The following DIP2C variants were observed in gnomAD, a reference collection of about 807,000 sequenced individuals.
DIP2C encodes the protein disco-interacting protein 2 homolog C.
DIP2C carries 33 observed loss-of-function variants against 192.4 expected under a neutral mutation model. The observed-to-expected ratio is 0.17, with a 90% CI of 0.13 to 0.23. The LOEUF is 0.23. DIP2C is among the 10% of genes least tolerant of loss of function. The probability of loss-of-function intolerance (pLI) is 1.00; values close to 1 mark genes in which losing one functional copy is unlikely to be tolerated. For synonymous variants in DIP2C, 979 were observed against 864.1 expected, an observed-to-expected ratio of 1.13 and a Z score of -2.33; for missense variants, 1,537 against 2,110.1, an observed-to-expected ratio of 0.73 and a Z score of 5.32.
At chr10:408,412 G>C (rs1342623048) in intron 9 of DIP2C, among the ~76,000 whole-genome samples, 3 of 152,172 alleles carry the variant, frequency 2.0e-5, no homozygotes, top group Admixed American at 2.0e-4. Flanking sequence ...GGCCAAACGT[G>C]TTCAATAAAA....
chr10:446,427 C>G (rs1349005123), intron 3 of DIP2C, among the ~76,000 whole-genome samples: 1 of 151,898 alleles, frequency 6.6e-6, no homozygotes, highest in African/African-American at 2.4e-5. Flanking sequence ...CTGTATACAT[C>G]TGTTGTGAAG....
intron 1 of DIP2C, among the ~76,000 whole-genome samples, chr10:492,061 C>CCTGA (rs1844486796): frequency 6.6e-6 from 1 of 152,250 alleles, no homozygotes; most frequent in Admixed American, 6.5e-5. Context: ...ATCTCAAAAT[C>CCTGA]CTGACCCCTG....
chr10:346,654 A>G (rs1440920546), intron 26 of DIP2C, among the ~76,000 whole-genome samples: 1 of 125,062 alleles, frequency 8.0e-6, no homozygotes, highest in African/African-American at 3.2e-5. Context: ...ACCCAGACAT[A>G]TCGCGTATAG....
chr10:505,637 C>G (rs533200576), intron 1 of DIP2C, among the ~76,000 whole-genome samples: 1 of 151,816 alleles, frequency 6.6e-6, no homozygotes, highest in South Asian at 2.1e-4. Flanking sequence ...CTGTGGGCAC[C>G]TGACACCAGG....
chr10:485,130 T>G (rs1843917581), intron 2 of DIP2C, among the ~76,000 whole-genome samples: 1 of 152,238 alleles, frequency 6.6e-6, no homozygotes, highest in Admixed American at 6.5e-5. Context: ...CACGGTGCGC[T>G]GGAGAACCGT....
Position 606,433 on chromosome 10 carries a change from G to C in DIP2C, c.85+83061C>G, listed in dbSNP as rs184649114. ...ACCTGCTGTGATCCGAATTCTCATT[G>C]GTTGGGAAGGGGATCTCTCGCCCCG... On this transcript the variant is annotated intron_variant, in intron 1 of 36. Coordinates refer to ENST00000280886, the MANE Select transcript of DIP2C (RefSeq NM_014974.3). Among the ~76,000 whole-genome samples, 1,083 of 150,714 alleles carry C rather than the reference G, an allele frequency of 7.2e-3. 11 individuals are homozygous for C. The highest frequency in any genetic ancestry group is 0.013 in the Non-Finnish European group (858 of 67,620).
At position 364,376 on chromosome 10, in the gene DIP2C, T is replaced by C. The variant is rs541105974; in HGVS notation, c.2475A>G (p.Gly825=). 104 of 1,609,654 alleles carry C rather than the reference T, an allele frequency of 6.5e-5. No homozygotes were observed. In the East Asian group the frequency reaches 2.3e-3, roughly 35 times the overall value. ...TTGATTTGCAGAACGCCACTGACCTTCCCCGGTAGACAAACTTCATGGGTT... is the reference window on the plus strand; with the variant it reads ...TTGATTTGCAGAACGCCACTGACCTCCCCCGGTAGACAAACTTCATGGGTT... ...AVEPMKFVYR[G]RIAVFSVTVL... The change falls in exon 20 of 37, where the codon GGA becomes GGG. Residue 825 remains glycine (G), a splice_region_variant and synonymous_variant. Transcript: ENST00000280886.
intron 1 of DIP2C, among the ~76,000 whole-genome samples, chr10:688,724 G>A (rs992165004): frequency 1.3e-5 from 2 of 152,210 alleles, no homozygotes; most frequent in Non-Finnish European, 2.9e-5. Flanking sequence ...CATGATCTCC[G>A]CCATGAAGAG....
chr10:384,215 T>C, intron 15 of DIP2C, 69 bp from the exon 16 acceptor site: 2 of 1,563,762 alleles, frequency 1.3e-6, no homozygotes, highest in East Asian at 2.4e-5. Flanking sequence ...AAAAGAGAGA[T>C]CATTGTGAGT....
At chr10:288,837 C>T (rs764491182) in intron 32 of DIP2C, among the ~76,000 whole-genome samples, 1 of 152,194 alleles carries the variant, frequency 6.6e-6, no homozygotes, top group Non-Finnish European at 1.5e-5. Context: ...GTGCAGCGGC[C>T]GAGAGCCCTC....
rs762819709 is a variant in DIP2C, at chr10:422,927, G to A, written c.501C>T (p.Ala167=). Residue 167 remains alanine (A), a synonymous_variant, in exon 5 of 37, where the codon GCC becomes GCT. Coordinates refer to ENST00000280886, the MANE Select transcript of DIP2C (RefSeq NM_014974.3). ...SINMEHWISQ[A]IHGSTTSTTS... ...TGGTGGACGTGGTGGAGCCGTGGAT[G>A]GCCTGGCTGATCCAGTGCTCCATAT... is the stretch of plus-strand genomic sequence containing the variant. 1 of 1,614,130 alleles carries A rather than the reference G, an allele frequency of 6.2e-7. No homozygotes were observed. Among genetic ancestry groups the A allele is most frequent in the Non-Finnish European group, 8.5e-7 (1 of 1,180,036 alleles).
rs192545481 is a variant in DIP2C at position 542,895 on chromosome 10, G to A, written c.86-56365C>T. 3.6e-3 allele frequency among the ~76,000 whole-genome samples: 551 copies of A among 152,082 alleles called. 1 individual carries two copies. The highest frequency in any genetic ancestry group is 5.2e-3 in the Non-Finnish European group (354 of 68,004). On this transcript the variant is annotated intron_variant, in intron 1 of 36. Transcript: ENST00000280886. Reference sequence around the variant, plus strand: ...GTTCTTACGGGATTGGGGAGTGGGGGGTTCTGACCCTGCCTCTCTATATAC... The same window carrying A: ...GTTCTTACGGGATTGGGGAGTGGGGAGTTCTGACCCTGCCTCTCTATATAC...
intron 29 of DIP2C, among the ~76,000 whole-genome samples, chr10:330,933 C>T (rs1415848591): frequency 1.3e-5 from 2 of 151,298 alleles, no homozygotes; most frequent in Non-Finnish European, 2.9e-5. Context: ...CCACCTCAGT[C>T]CCTGAGTAGC....
At chr10:344,690 CCT>C (rs1958343053) in intron 28 of DIP2C, 117 bp downstream of exon 28, 6 of 803,600 alleles carry the variant, frequency 7.5e-6, no homozygotes, top group Admixed American at 4.3e-5. Context: ...CGTATGTATA[CCT>C]CTTTCCACAT....
intron 1 of DIP2C, among the ~76,000 whole-genome samples, chr10:586,437 C>CA (rs1250027715): frequency 6.6e-6 from 1 of 152,058 alleles, no homozygotes; most frequent in Non-Finnish European, 1.5e-5. Context: ...CACCACCCCT[C>CA]ACTACTTCAC....
At chr10:611,348 G>T (rs1293237435) in intron 1 of DIP2C, among the ~76,000 whole-genome samples, 1 of 152,204 alleles carries the variant, frequency 6.6e-6, no homozygotes, top group Non-Finnish European at 1.5e-5. Flanking sequence ...CCCAGCCTCA[G>T]GTAGTTCTTT....
intron 1 of DIP2C, among the ~76,000 whole-genome samples, chr10:682,244 A>C (rs979707302): frequency 3.9e-5 from 6 of 152,232 alleles, no homozygotes; most frequent in Admixed American, 1.3e-4. Context: ...CTCCAGCAGA[A>C]GATCCCCAGC....
chr10:344,836 G>A lies in DIP2C; in HGVS notation c.3426C>T (p.Ser1142=), dbSNP rs1303440736. The A allele has an allele frequency of 1.9e-6, 3 of 1,600,384 alleles. No individual in the cohort carries two copies. Among genetic ancestry groups the A allele is most frequent in the Admixed American group, 3.5e-5 (2 of 57,700 alleles). ...TTACGCCAGCTAGCATCCCAGTTGT[G>A]GACACGCTGAAGTCGAGATATGCAA... ...DTLAYLDFSV[S]TTGMLAGVKM... is the part of the protein sequence containing the mutation. Residue 1142 remains serine, a synonymous_variant, in exon 28 of 37, where the codon TCC becomes TCT. Coordinates refer to ENST00000280886, the MANE Select transcript of DIP2C (RefSeq NM_014974.3).
intron 1 of DIP2C, among the ~76,000 whole-genome samples, chr10:655,450 C>A (rs1726946329): frequency 6.6e-6 from 1 of 151,986 alleles, no homozygotes; most frequent in Admixed American, 6.5e-5. Flanking sequence ...TAGTCACTGC[C>A]ATCTCTGTTC....
Sources: allele counts gnomAD v4.1 joint callset (sites outside exome capture counted in the v4.1 genomes callset), GRCh38; gene constraint gnomAD v4.1.1; transcripts MANE v1.5; gene names NCBI Gene and HGNC (gene_info 2026-07-23, HGNC 2026-07-21).